RAPGEF2: variants seen among roughly 807,000 people sequenced by gnomAD.
The protein encoded by RAPGEF2 is PDZ domain containing guanine nucleotide exchange factor (GEF) 1.
RAPGEF2 carries 54 observed loss-of-function variants against 186.7 expected under a neutral mutation model. The ratio of observed to expected loss-of-function variants is 0.29; its 90% CI spans 0.23 to 0.36. The LOEUF (loss-of-function observed/expected upper bound fraction) is 0.36, where lower values mean the gene tolerates loss of function less well. Ranked by LOEUF, RAPGEF2 falls within the 10% of genes least tolerant of loss-of-function variation. RAPGEF2 has a pLI of 1.00. For missense variants in RAPGEF2, 1,532 were observed against 2,045.0 expected, an observed-to-expected ratio of 0.75 and a Z score of 4.84; for synonymous variants, 712 against 705.9, an observed-to-expected ratio of 1.01 and a Z score of -0.14.
intron 7 of RAPGEF2, among the ~76,000 whole-genome samples, chr4:159,293,819 A>G (rs1287445970): frequency 6.6e-6 from 1 of 152,182 alleles, no homozygotes; most frequent in African/African-American, 2.4e-5. Flanking sequence ...TTAACCTTCA[A>G]TGCAAAGCTT....
chr4:159,293,963 C>T (rs887270782), intron 7 of RAPGEF2, among the ~76,000 whole-genome samples: 2 of 152,150 alleles, frequency 1.3e-5, no homozygotes, highest in Admixed American at 1.3e-4. Flanking sequence ...GTGGTTTGAA[C>T]TCAATTGGCA....
chr4:159,355,896 C>CCCCCACAAAT lies in RAPGEF2; in HGVS notation c.4695_4696insCCCCACAAAT (p.Gly1566ProfsTer12). ...ATCGAGAGCCCCCGCCCACCCCTCC[C>CCCCCACAAAT]GGCTACATTGGAATTCCCATTACTG... is the stretch of plus-strand genomic sequence containing the variant. On this transcript the variant is annotated frameshift_variant, in exon 29 of 30. Coordinates refer to ENST00000691494, the MANE Select transcript of RAPGEF2 (RefSeq NM_001394067.2). LOFTEE classifies it high-confidence loss of function. The CCCCCACAAAT allele has an allele frequency of 1.3e-6, 2 of 1,555,772 alleles. No individual in the cohort carries two copies. The highest frequency in any genetic ancestry group is 1.7e-6 in the Non-Finnish European group (2 of 1,149,284).
intron 8 of RAPGEF2, among the ~76,000 whole-genome samples, chr4:159,311,727 G>A (rs1428647857): frequency 6.6e-6 from 1 of 152,086 alleles, no homozygotes; most frequent in Non-Finnish European, 1.5e-5. Flanking sequence ...TACTCCTCCT[G>A]GAGACCAGTT....
intron 1 of RAPGEF2, among the ~76,000 whole-genome samples, chr4:159,181,510 A>G (rs548527366): frequency 3.9e-5 from 6 of 152,158 alleles, no homozygotes; most frequent in African/African-American, 1.2e-4. Flanking sequence ...AGTGAAAACA[A>G]TGTAAGACTT....
chr4:159,324,929 G>C (rs1170465963), intron 11 of RAPGEF2, among the ~76,000 whole-genome samples: 2 of 126,472 alleles, frequency 1.6e-5, no homozygotes, highest in Non-Finnish European at 3.8e-5. Context: ...ACCAAATGAT[G>C]TGACTTAAAC....
Position 159,304,481 on chromosome 4 carries a change from G to A in RAPGEF2, c.675+8G>A. ...CTTTCTGATATCTACCAGGTAAGAG[G>A]ATGTTTTCCTTGTCATTTGCTTCAT... On this transcript the variant is annotated splice_region_variant and intron_variant, in intron 8 of 29. Coordinates refer to ENST00000691494, the MANE Select transcript of RAPGEF2 (RefSeq NM_001394067.2). The A allele has an allele frequency of 6.3e-7, 1 of 1,593,550 alleles. No individual in the cohort carries two copies. Among genetic ancestry groups the A allele is most frequent in the African/African-American group, 1.3e-5 (1 of 74,350 alleles).
At chr4:159,139,808 A>G (rs1561003780) in intron 1 of RAPGEF2, among the ~76,000 whole-genome samples, 1 of 152,188 alleles carries the variant, frequency 6.6e-6, no homozygotes, top group East Asian at 1.9e-4. Flanking sequence ...TGTTTATTAA[A>G]TGGAAAATAC....
At chr4:159,348,226 A>AGATAGATAGATAGAGCAAGACTCTGTC (rs1730631549) in intron 25 of RAPGEF2, among the ~76,000 whole-genome samples, 2 of 122,068 alleles carry the variant, frequency 1.6e-5, no homozygotes, top group African/African-American at 6.2e-5. Context: ...GTCGATAGAT[A>AGATAGATAGATAGAGCAAGACTCTGTC]GATAGATAGA....
At position 159,358,096 on chromosome 4, in the gene RAPGEF2, T is replaced by C. The variant is rs201171907; in HGVS notation, c.4958-18T>C. On this transcript the variant is annotated intron_variant, in intron 29 of 29. Coordinates refer to ENST00000691494, the MANE Select transcript of RAPGEF2 (RefSeq NM_001394067.2). The stretch of plus-strand genomic sequence containing the variant: ...TGCTTGCTCATTGATTTCTTTTTCT[T>C]CCCTGCTGTATTTGCAGAAGATGAA... 3.7e-6 allele frequency: 6 copies of C among 1,611,264 alleles called. No homozygotes were observed. In the African/African-American group the frequency reaches 5.3e-5, roughly 14 times the overall value.
intron 2 of RAPGEF2, among the ~76,000 whole-genome samples, chr4:159,187,529 A>G (rs1168479924): frequency 1.3e-5 from 2 of 152,212 alleles, no homozygotes; most frequent in East Asian, 1.9e-4. Context: ...AGTATGTTGT[A>G]TATCTTTGTT....
rs1385562682 is a variant in RAPGEF2 at position 159,103,674 on chromosome 4, C to T, written c.-489C>T. ...CCCCTGGGCGGCGGCTGCGCAAGCC[C>T]CTGAGAGGAGGGGGCGACCCTCAGC... On this transcript the variant is annotated 5_prime_UTR_variant, in exon 1 of 30. Transcript: ENST00000691494. 2 of 152,524 alleles carry T rather than the reference C, an allele frequency of 1.3e-5. No individual in the cohort carries two copies. Among genetic ancestry groups the T allele is most frequent in the African/African-American group, 4.8e-5 (2 of 41,456 alleles). The allele number at this position is 152,524 out of a possible 1,614,324, so 9.4% of individuals were successfully genotyped here. A position where few individuals can be genotyped will look rare whatever the true frequency, so the allele number is the denominator to read the frequency against.
chr4:159,332,503 C>T lies in RAPGEF2; in HGVS notation c.1941C>T (p.Pro647=). The T allele has an allele frequency of 1.9e-6, 3 of 1,613,982 alleles. No homozygotes were observed. The highest frequency in any genetic ancestry group is 2.5e-6 in the Non-Finnish European group (3 of 1,179,926). ...RLSEEKRNGA[P]HLPKIGDIKK... ...CAGAAGAGAAAAGAAATGGTGCCCC[C>T]CACCTTCCTAAAATTGGTGACATTA... The change falls in exon 17 of 30, where the codon CCC becomes CCT. Residue 647 remains proline, a synonymous_variant. Transcript: ENST00000691494.
intron 1 of RAPGEF2, among the ~76,000 whole-genome samples, chr4:159,119,479 A>G (rs1579230891): frequency 1.3e-5 from 2 of 152,326 alleles, no homozygotes; most frequent in South Asian, 4.1e-4. Context: ...ATGAAGATTA[A>G]TGGGTGCTGT....
At position 159,215,328 on chromosome 4, in the gene RAPGEF2, A is replaced by G. The variant is rs144172913; in HGVS notation, c.281+4745A>G. ...ACTGGAACTACAGGCACACACCAGCATTCCCTGCTGATCTGAAAAATATTT... is the reference window on the plus strand; with the variant it reads ...ACTGGAACTACAGGCACACACCAGCGTTCCCTGCTGATCTGAAAAATATTT... On this transcript the variant is annotated intron_variant, in intron 4 of 29. Coordinates refer to ENST00000691494, the MANE Select transcript of RAPGEF2 (RefSeq NM_001394067.2). 9.9e-5 allele frequency among the ~76,000 whole-genome samples: 15 copies of G among 151,828 alleles called. No homozygotes were observed. In the East Asian group the frequency reaches 2.7e-3, roughly 28 times the overall value.
chr4:159,224,055 C>G (rs994978923), intron 4 of RAPGEF2, among the ~76,000 whole-genome samples: 1 of 152,090 alleles, frequency 6.6e-6, no homozygotes, highest in Non-Finnish European at 1.5e-5. Context: ...TGTGCCACCA[C>G]TCCCGACTAA....
intron 2 of RAPGEF2, among the ~76,000 whole-genome samples, chr4:159,190,633 C>A (rs1748025250): frequency 6.6e-6 from 1 of 152,132 alleles, no homozygotes. Context: ...CTGGGGAGGC[C>A]TCAGAAAACT....
At chr4:159,254,853 G>A (rs1045381721) in intron 7 of RAPGEF2, among the ~76,000 whole-genome samples, 33 of 151,990 alleles carry the variant, frequency 2.2e-4, no homozygotes, top group South Asian at 8.3e-4. Context: ...CGCCTGCCTC[G>A]GCCTCCCAAA....
intron 4 of RAPGEF2, among the ~76,000 whole-genome samples, chr4:159,212,042 G>T (rs1167223591): frequency 6.6e-6 from 1 of 152,174 alleles, no homozygotes; most frequent in Non-Finnish European, 1.5e-5. Context: ...TATGTTAAAT[G>T]ATTTCATAAC....
chr4:159,213,563 A>C (rs1750725483), intron 4 of RAPGEF2, among the ~76,000 whole-genome samples: 1 of 152,242 alleles, frequency 6.6e-6, no homozygotes, highest in African/African-American at 2.4e-5. Context: ...TCCGGTGAAA[A>C]GGATGATATA....
Sources: allele counts gnomAD v4.1 joint callset (sites outside exome capture counted in the v4.1 genomes callset), GRCh38; gene constraint gnomAD v4.1.1; transcripts MANE v1.5; gene names NCBI Gene and HGNC (gene_info 2026-07-23, HGNC 2026-07-21).